Variants in HECW2 observed in about 807,000 individuals in gnomAD.
HECW2 encodes the protein E3 ubiquitin-protein ligase HECW2.
Under a neutral mutation model 175.2 loss-of-function variants are expected in HECW2, and 61 were observed. That is an observed-to-expected ratio of 0.35 (90% confidence interval 0.28 to 0.43). The LOEUF is 0.43. HECW2 is among the 20% of genes least tolerant of loss of function. The probability of loss-of-function intolerance (pLI) is 1.00; values close to 1 mark genes in which losing one functional copy is unlikely to be tolerated. For missense variants in HECW2, 1,524 were observed against 2,000.5 expected (o/e 0.76, Z 4.54); for synonymous variants, 671 against 731.0 (o/e 0.92, Z 1.32).
At chr2:196,354,853 A>G (rs559991139) in intron 2 of HECW2, among the ~76,000 whole-genome samples, 1 of 152,344 alleles carries the variant, frequency 6.6e-6, no homozygotes, top group South Asian at 2.1e-4. Context: ...TGGTCACACC[A>G]AAGCACAAAA....
intron 21 of HECW2, among the ~76,000 whole-genome samples, chr2:196,229,949 T>C (rs954118038): frequency 6.6e-6 from 1 of 152,196 alleles, no homozygotes; most frequent in Admixed American, 6.5e-5. Flanking sequence ...TCAGTCTTTG[T>C]AGTAGCTAAA....
intron 1 of HECW2, among the ~76,000 whole-genome samples, chr2:196,566,281 CAAAA>C (rs34450556): frequency 2.2e-5 from 3 of 136,180 alleles, no homozygotes; most frequent in African/African-American, 2.7e-5. Context: ...CAAAAATAAG[CAAAA>C]AAAAAAAAAA....
intron 10 of HECW2, chr2:196,316,622 A>T (rs1273289943): frequency 3.9e-5 from 6 of 152,260 alleles, no homozygotes; most frequent in Admixed American, 3.9e-4. Flanking sequence ...TTGGATTATG[A>T]TTGGCTAAGG....
At chr2:196,250,113 C>A (rs1688801529) in intron 19 of HECW2, among the ~76,000 whole-genome samples, 1 of 152,170 alleles carries the variant, frequency 6.6e-6, no homozygotes, top group Non-Finnish European at 1.5e-5. Context: ...TTACCTTTTC[C>A]TCAGGGAGGA....
chr2:196,226,971 G>A (rs1326841564), intron 22 of HECW2, among the ~76,000 whole-genome samples: 1 of 152,166 alleles, frequency 6.6e-6, no homozygotes, highest in African/African-American at 2.4e-5. Flanking sequence ...CTTTCAAAAG[G>A]ATTCAAGTTT....
chr2:196,349,365 C>T (rs976834608), intron 2 of HECW2, among the ~76,000 whole-genome samples: 2 of 152,158 alleles, frequency 1.3e-5, no homozygotes, highest in Non-Finnish European at 2.9e-5. Context: ...AAGAAAGGGA[C>T]ATTGGAGATG....
At position 196,222,269 on chromosome 2, in the gene HECW2, T is replaced by C. The variant is rs1687697623; in HGVS notation, c.4088A>G (p.Asn1363Ser). The change falls in exon 24 of 29, where the codon AAT becomes AGT. Residue 1363 changes from asparagine (N) to serine (S), a missense_variant. By Grantham distance (46) the Asn-to-Ser change is conservative (BLOSUM62 1). Coordinates refer to ENST00000644978, the MANE Select transcript of HECW2 (RefSeq NM_001348768.2). The stretch of plus-strand genomic sequence containing the variant: ...GAGGTCTAGGATGTCATGGATATCA[T>C]TGTCTTTCATCCACTGCAGGCTCTG... The part of the protein sequence containing the change: ...FHQSLQWMKD[N>S]DIHDILDLTF... 1.9e-6 allele frequency: 3 copies of C among 1,613,680 alleles called. No homozygotes were observed. The highest frequency in any genetic ancestry group is 1.7e-5 in the Admixed American group (1 of 59,968).
At chr2:196,270,811 C>T (rs1689702046) in intron 17 of HECW2, among the ~76,000 whole-genome samples, 2 of 152,096 alleles carry the variant, frequency 1.3e-5, no homozygotes. Context: ...AAGCGATTCT[C>T]CTGCCTTAGC....
chr2:196,501,027 A>C (rs1270311481), intron 1 of HECW2, among the ~76,000 whole-genome samples: 1 of 152,248 alleles, frequency 6.6e-6, no homozygotes. Context: ...CTTATCCAGA[A>C]GGTGGCTCTT....
At chr2:196,314,156 C>A (rs1691604128) in intron 10 of HECW2, among the ~76,000 whole-genome samples, 1 of 152,192 alleles carries the variant, frequency 6.6e-6, no homozygotes, top group South Asian at 2.1e-4. Context: ...CTATCTGGAC[C>A]ACATGATGTT....
At chr2:196,242,259 C>A in intron 19 of HECW2, 55 bp from the exon 20 acceptor site, 2 of 1,607,602 alleles carry the variant, frequency 1.2e-6, no homozygotes, top group South Asian at 2.2e-5. Context: ...TCCTTATGTT[C>A]ATCACATCAC....
At chr2:196,503,876 A>T in intron 1 of HECW2, among the ~76,000 whole-genome samples, 1 of 152,174 alleles carries the variant, frequency 6.6e-6, no homozygotes, top group Non-Finnish European at 1.5e-5. Flanking sequence ...TACTTTTCCC[A>T]CCACAGGCTT....
intron 1 of HECW2, among the ~76,000 whole-genome samples, chr2:196,488,021 T>G (rs1687065523): frequency 1.3e-5 from 2 of 152,246 alleles, no homozygotes; most frequent in Non-Finnish European, 2.9e-5. Flanking sequence ...AAGACTATGA[T>G]GTTTTTGAAA....
chr2:196,373,846 A>T (rs886067502), intron 2 of HECW2, among the ~76,000 whole-genome samples: 7 of 151,920 alleles, frequency 4.6e-5, no homozygotes, highest in Non-Finnish European at 1.0e-4. Flanking sequence ...TCCCGGCTAA[A>T]ACGGTGAAAC....
intron 28 of HECW2, 53 bp downstream of exon 28, chr2:196,215,812 G>T: frequency 8.0e-7 from 1 of 1,256,086 alleles, no homozygotes; most frequent in Non-Finnish European, 1.2e-6. Flanking sequence ...ATACATAAAT[G>T]AATGTCTCCA....
At chr2:196,328,983 G>A (rs1692256744) in intron 5 of HECW2, among the ~76,000 whole-genome samples, 1 of 151,594 alleles carries the variant, frequency 6.6e-6, no homozygotes, top group African/African-American at 2.4e-5. Context: ...TCCCTTTAGT[G>A]GTAAACTCTG....
At chr2:196,575,286 A>C (rs1347366647) in intron 1 of HECW2, among the ~76,000 whole-genome samples, 1 of 152,178 alleles carries the variant, frequency 6.6e-6, no homozygotes, top group African/African-American at 2.4e-5. Flanking sequence ...GAATTTGGAG[A>C]AAATGGAACT....
chr2:196,444,477 G>T (rs1696127847), intron 1 of HECW2, among the ~76,000 whole-genome samples: 1 of 152,098 alleles, frequency 6.6e-6, no homozygotes, highest in African/African-American at 2.4e-5. Flanking sequence ...AACCCTTAAT[G>T]CTTCTCTCTT....
intron 1 of HECW2, among the ~76,000 whole-genome samples, chr2:196,503,696 G>GA (rs1375024693): frequency 6.6e-6 from 1 of 151,998 alleles, no homozygotes; most frequent in East Asian, 1.9e-4. Flanking sequence ...GGAGGGGAGA[G>GA]AAAAAACAAG....
Sources: allele counts gnomAD v4.1 joint callset (sites outside exome capture counted in the v4.1 genomes callset), GRCh38; gene constraint gnomAD v4.1.1; transcripts MANE v1.5; gene names NCBI Gene and HGNC (gene_info 2026-07-23, HGNC 2026-07-21).